Variants in PPARGC1A observed in about 807,000 individuals in gnomAD.
The protein encoded by PPARGC1A is PPARG coactivator 1 alpha.
PPARGC1A carries 25 observed loss-of-function variants against 88.7 expected under a neutral mutation model. That is an observed-to-expected ratio of 0.28 (90% CI 0.21 to 0.39). The LOEUF (loss-of-function observed/expected upper bound fraction) is 0.39. Among genes scored for constraint, PPARGC1A ranks in the 10% least tolerant of loss-of-function variants. The pLI is 1.00. For missense variants in PPARGC1A, 880 were observed against 968.7 expected (o/e 0.91, Z 1.22); for synonymous variants, 363 against 355.6 (o/e 1.02, Z -0.24).
At chr4:24,375,069 C>T in the PPARGC1A span, among the ~76,000 whole-genome samples, 7 of 149,228 alleles carry the variant, frequency 4.7e-5, no homozygotes, top group African/African-American at 1.5e-4. Flanking sequence ...GGTTGGGATA[C>T]GTGGGGACTT....
At chr4:23,988,347 T>C in the PPARGC1A span, among the ~76,000 whole-genome samples, 7 of 152,098 alleles carry the variant, frequency 4.6e-5, no homozygotes, top group Non-Finnish European at 8.8e-5. Context: ...TTCTAGATCC[T>C]TGAGGAATCA....
At chr4:24,114,037 T>C in the PPARGC1A span, among the ~76,000 whole-genome samples, 1 of 147,998 alleles carries the variant, frequency 6.8e-6, no homozygotes, top group African/African-American at 2.5e-5. Flanking sequence ...GGCAGGAGAA[T>C]CTCTTGAACC....
At chr4:23,957,614 C>T in the PPARGC1A span, among the ~76,000 whole-genome samples, 1 of 151,986 alleles carries the variant, frequency 6.6e-6, no homozygotes, top group Non-Finnish European at 1.5e-5. Flanking sequence ...TACAGCATGC[C>T]AGGCACCATT....
chr4:23,904,026 A>G, upstream of PPARGC1A: 1 of 980,054 alleles, frequency 1.0e-6, no homozygotes, highest in Non-Finnish European at 1.2e-6. Context: ...GATAACCCCA[A>G]CATGTGTGTC....
chr4:24,009,221 A>G, the PPARGC1A span, among the ~76,000 whole-genome samples: 114,766 of 150,538 alleles, frequency 0.76, 44,365 homozygotes, highest in African/African-American at 0.85. Context: ...TTAATTGAGA[A>G]TTTTATTATA....
At chr4:24,342,203 A>T in the PPARGC1A span, among the ~76,000 whole-genome samples, 1 of 152,096 alleles carries the variant, frequency 6.6e-6, no homozygotes, top group Non-Finnish European at 1.5e-5. Context: ...TATTGACTGA[A>T]CTTCTGCTTA....
chr4:23,916,112 T>C, the PPARGC1A span, among the ~76,000 whole-genome samples: 3 of 152,330 alleles, frequency 2.0e-5, 1 homozygote, highest in Admixed American at 6.5e-5. Flanking sequence ...GGGAATTAAA[T>C]GAGTTTATGT....
At chr4:23,923,317 T>G in the PPARGC1A span, among the ~76,000 whole-genome samples, 3,269 of 152,218 alleles carry the variant, frequency 0.021, 59 homozygotes, top group Middle Eastern at 0.051. Context: ...GTTGTATGCT[T>G]GACTCACCCA....
At chr4:23,903,685 A>G (rs1348561713), upstream of PPARGC1A, among the ~76,000 whole-genome samples, 1 of 152,190 alleles carries the variant, frequency 6.6e-6, no homozygotes, top group African/African-American at 2.4e-5. Flanking sequence ...AATCTTTAAA[A>G]ATAAAAATTA....
chr4:23,866,800 C>T (rs1712096325), intron 2 of PPARGC1A, among the ~76,000 whole-genome samples: 1 of 151,884 alleles, frequency 6.6e-6, no homozygotes, highest in South Asian at 2.1e-4. Context: ...CTGTAGCTGA[C>T]TATTTAATTC....
At chr4:24,040,862 T>C in the PPARGC1A span, among the ~76,000 whole-genome samples, 1 of 152,300 alleles carries the variant, frequency 6.6e-6, no homozygotes, top group Admixed American at 6.5e-5. Flanking sequence ...TATCTTAACA[T>C]GAAATTCATT....
At chr4:23,859,780 CAAAATAAAATAAAAT>C (rs66852812) in intron 2 of PPARGC1A, among the ~76,000 whole-genome samples, 16,109 of 117,830 alleles carry the variant, frequency 0.14, 1,460 homozygotes, top group African/African-American at 0.15. Context: ...GACACCGTCT[CAAAATAAAATAAAAT>C]AAAATAAAAT....
chr4:24,004,276 T>C, the PPARGC1A span, among the ~76,000 whole-genome samples: 1 of 152,236 alleles, frequency 6.6e-6, no homozygotes, highest in East Asian at 1.9e-4. Flanking sequence ...GAAACAATAC[T>C]TTTAAAAAGA....
intron 5 of PPARGC1A, 70 bp downstream of exon 5, chr4:23,828,330 C>T: frequency 6.7e-7 from 1 of 1,483,020 alleles, no homozygotes; most frequent in Non-Finnish European, 9.4e-7. Flanking sequence ...TTGGTGTGTT[C>T]TCAGACTTTG....
Position 23,802,263 on chromosome 4 carries a change from C to G in PPARGC1A, c.2102G>C (p.Gly701Ala), listed in dbSNP as rs768258119. 1.9e-6 allele frequency: 3 copies of G among 1,614,042 alleles called. No individual in the cohort carries two copies. In the Admixed American group the frequency reaches 5.0e-5, roughly 27 times the overall value. The change falls in exon 11 of 13, where the codon GGT (glycine) becomes GCT (alanine). Residue 701 changes from glycine (G) to alanine (A), a missense_variant. Transcript: ENST00000264867. The part of the protein sequence containing the change: ...TELRDRFEVF[G>A]EIEECTVNLR... ...ATTTACTGTGCACTCCTCAATTTCA[C>G]CAAAAACTTCAAAACGGTCCCTCAG...
chr4:24,366,263 T>C, the PPARGC1A span, among the ~76,000 whole-genome samples: 5 of 152,070 alleles, frequency 3.3e-5, no homozygotes, highest in African/African-American at 1.2e-4. Context: ...AAGAGAGTTA[T>C]CGTTTATGTA....
the PPARGC1A span, among the ~76,000 whole-genome samples, chr4:23,959,011 C>T: frequency 6.4e-5 from 4 of 62,050 alleles, no homozygotes; most frequent in African/African-American, 1.7e-4. Context: ...GATGTATTTA[C>T]CAAACCAAAA....
chr4:24,466,709 G>A, the PPARGC1A span, among the ~76,000 whole-genome samples: 2 of 152,006 alleles, frequency 1.3e-5, no homozygotes, highest in Non-Finnish European at 2.9e-5. Context: ...GAGGTCAGGA[G>A]TTCGAGACCA....
At chr4:24,451,482 A>T in the PPARGC1A span, among the ~76,000 whole-genome samples, 1 of 152,186 alleles carries the variant, frequency 6.6e-6, no homozygotes, top group East Asian at 1.9e-4. Context: ...TACCTACATT[A>T]CAGTCATTAC....
Sources: gnomAD v4.1 joint callset for allele counts (sites outside exome capture counted in the v4.1 genomes callset) on GRCh38, gnomAD v4.1.1 for gene constraint, MANE v1.5 for transcripts, NCBI Gene and HGNC (gene_info 2026-07-23, HGNC 2026-07-21) for gene names.